Variants in SPTSSA observed in about 807,000 individuals in gnomAD.
SPTSSA encodes the protein small subunit of serine palmitoyltransferase A.
SPTSSA carries 8 observed loss-of-function variants against 9.1 expected under a neutral mutation model. That is an observed-to-expected ratio of 0.88 (90% CI 0.51 to 1.58). The LOEUF (loss-of-function observed/expected upper bound fraction) is 1.58, where lower values mean the gene tolerates loss of function less well. SPTSSA is among the 40% of genes most tolerant of loss of function. The pLI, the probability that SPTSSA is intolerant of heterozygous loss-of-function variation, is 0.00. For missense variants in SPTSSA, 100 were observed against 93.8 expected (o/e 1.07, Z -0.27); for synonymous variants, 42 against 37.7 (o/e 1.11, Z -0.41).
At chr14:34,451,778 A>G (rs960300673) in intron 1 of SPTSSA, among the ~76,000 whole-genome samples, 1 of 151,980 alleles carries the variant, frequency 6.6e-6, no homozygotes, top group Non-Finnish European at 1.5e-5. Context: ...AATACTCAAG[A>G]GTTGTGATAA....
At chr14:34,436,755 G>C (rs1186062869) in intron 1 of SPTSSA, among the ~76,000 whole-genome samples, 1 of 152,086 alleles carries the variant, frequency 6.6e-6, no homozygotes, top group Non-Finnish European at 1.5e-5. Flanking sequence ...GGCCATACAG[G>C]AAGCTGTCTT....
At chr14:34,461,770 A>C (rs1878621253) in intron 1 of SPTSSA, among the ~76,000 whole-genome samples, 1 of 152,212 alleles carries the variant, frequency 6.6e-6, no homozygotes, top group South Asian at 2.1e-4. Flanking sequence ...ACTGAACCAA[A>C]GGCAGTTGCG....
At position 34,443,131 on chromosome 14, in the gene SPTSSA, A is replaced by AGG. The variant is rs1433402084; in HGVS notation, c.113-7829_113-7828dup. 2.4e-4 allele frequency among the ~76,000 whole-genome samples: 12 copies of AGG among 50,776 alleles called. 1 individual carries two copies. Among genetic ancestry groups the AGG allele is most frequent in the East Asian group, 1.8e-3 (3 of 1,708 alleles). 33.3% of individuals were successfully genotyped at this position (50,776 alleles called of 152,430 possible). On this transcript the variant is annotated intron_variant, in intron 1 of 1. Transcript: ENST00000298130. ...AGGTTCAAGCGATTCTCCTGCTTCT[A>AGG]GGGGTGTGTGTGTGTGTGTGTGTGT...
chr14:34,445,480 G>A (rs573976296), intron 1 of SPTSSA, among the ~76,000 whole-genome samples: 3 of 152,160 alleles, frequency 2.0e-5, no homozygotes, highest in East Asian at 1.9e-4. Context: ...CAGCCTGGGC[G>A]ACAGAGCAAG....
chr14:34,458,130 C>T (rs1021808665), intron 1 of SPTSSA, among the ~76,000 whole-genome samples: 1 of 152,090 alleles, frequency 6.6e-6, no homozygotes, highest in Non-Finnish European at 1.5e-5. Context: ...TCCTTAAAAA[C>T]ACATCTTAAA....
intron 1 of SPTSSA, among the ~76,000 whole-genome samples, chr14:34,452,245 CAAAAAAAAAAA>C (rs532756986): frequency 1.0e-5 from 1 of 97,052 alleles, no homozygotes; most frequent in Non-Finnish European, 2.3e-5. Flanking sequence ...GACTCAATCT[CAAAAAAAAAAA>C]AAAAAAAAAG....
In SPTSSA at chr14:34,442,983, T is replaced by TGTGTGTGTGTGTGTGTGTGTGA. The variant is rs750212266; in HGVS notation, c.113-7680_113-7679insTCACACACACACACACACACAC. 3.4e-5 allele frequency among the ~76,000 whole-genome samples: 5 copies of TGTGTGTGTGTGTGTGTGTGTGA among 148,338 alleles called. 1 individual carries two copies. The highest frequency in any genetic ancestry group is 1.3e-4 in the African/African-American group (5 of 39,672). On this transcript the variant is annotated intron_variant, in intron 1 of 1. Transcript: ENST00000298130. ...GTGTGTGTGTGTGTGTGTGTGTGTG[T>TGTGTGTGTGTGTGTGTGTGTGA]GAGATGGAGTTTCCCTCTAGGGGTG...
intron 1 of SPTSSA, among the ~76,000 whole-genome samples, chr14:34,461,483 G>A (rs1345822257): frequency 2.0e-5 from 3 of 152,100 alleles, no homozygotes; most frequent in Non-Finnish European, 4.4e-5. Flanking sequence ...CCACTTTTCG[G>A]GCCGACTTCT....
intron 1 of SPTSSA, among the ~76,000 whole-genome samples, chr14:34,442,156 G>A (rs1359093566): frequency 6.6e-6 from 1 of 152,158 alleles, no homozygotes; most frequent in Non-Finnish European, 1.5e-5. Flanking sequence ...CATTACAGGT[G>A]TGAGCCACCT....
intron 1 of SPTSSA, among the ~76,000 whole-genome samples, chr14:34,457,321 G>T (rs1012217208): frequency 2.6e-5 from 4 of 151,988 alleles, no homozygotes; most frequent in African/African-American, 4.8e-5. Flanking sequence ...TCCAAGTGAG[G>T]TACTTCAGGG....
chr14:34,444,436 C>T (rs1883384651), intron 1 of SPTSSA, among the ~76,000 whole-genome samples: 1 of 152,122 alleles, frequency 6.6e-6, no homozygotes, highest in African/African-American at 2.4e-5. Flanking sequence ...TATAACTTAC[C>T]ACGTTTTACA....
chr14:34,447,701 C>A (rs1883446174), intron 1 of SPTSSA, among the ~76,000 whole-genome samples: 1 of 152,130 alleles, frequency 6.6e-6, no homozygotes, highest in Non-Finnish European at 1.5e-5. Context: ...CCCAACAGAC[C>A]AAACCAAACC....
At chr14:34,458,680 T>C (rs1878544249) in intron 1 of SPTSSA, among the ~76,000 whole-genome samples, 1 of 147,402 alleles carries the variant, frequency 6.8e-6, no homozygotes, top group Non-Finnish European at 1.5e-5. Flanking sequence ...TTTTTTTTTT[T>C]TTTTTTTGGT....
rs1883211883 is a variant in SPTSSA, at chr14:34,434,726, C to G, written c.*475G>C. ...GTTCTCAATAAAATATCTTCCCTCC[C>G]CATACCCCTACCCGAAATCTTATAT... On this transcript the variant is annotated 3_prime_UTR_variant, in exon 2 of 2. Transcript: ENST00000298130. The G allele has an allele frequency of 6.5e-6, 1 of 152,714 alleles. No individual in the cohort carries two copies. The highest frequency in any genetic ancestry group is 2.1e-4 in the South Asian group (1 of 4,834). 9.5% of individuals were successfully genotyped at this position (152,714 alleles called of 1,614,324 possible). A position where few individuals can be genotyped will look rare whatever the true frequency, so the allele number is the denominator to read the frequency against.
intron 1 of SPTSSA, among the ~76,000 whole-genome samples, chr14:34,444,923 C>T (rs1418963095): frequency 1.3e-5 from 2 of 151,574 alleles, no homozygotes; most frequent in Non-Finnish European, 2.9e-5. Flanking sequence ...GAAACCCCGT[C>T]TCAGCTAAAA....
chr14:34,435,505 T>G (rs917899849), intron 1 of SPTSSA, among the ~76,000 whole-genome samples: 3 of 152,134 alleles, frequency 2.0e-5, no homozygotes, highest in African/African-American at 7.2e-5. Context: ...CTGGTTTTGT[T>G]TTATTTTGTT....
chr14:34,455,253 G>A (rs767258207), intron 1 of SPTSSA, among the ~76,000 whole-genome samples: 38 of 152,156 alleles, frequency 2.5e-4, no homozygotes, highest in Non-Finnish European at 3.4e-4. Context: ...AGGGTATGGC[G>A]GCGGGCACCT....
intron 1 of SPTSSA, among the ~76,000 whole-genome samples, chr14:34,447,617 C>T (rs77243198): frequency 0.018 from 2,707 of 152,164 alleles, 88 homozygotes; most frequent in African/African-American, 0.062. Context: ...AAGTAAGAAC[C>T]TGAACAAAAA....
At chr14:34,456,171 A>C (rs1878461761) in intron 1 of SPTSSA, among the ~76,000 whole-genome samples, 1 of 151,654 alleles carries the variant, frequency 6.6e-6, no homozygotes, top group Non-Finnish European at 1.5e-5. Context: ...AAAAACAAAA[A>C]ATTAGCCAGG....
Sources: allele counts gnomAD v4.1 joint callset (sites outside exome capture counted in the v4.1 genomes callset), GRCh38; gene constraint gnomAD v4.1.1; transcripts MANE v1.5; gene names NCBI Gene and HGNC (gene_info 2026-07-23, HGNC 2026-07-21).